SSH2: variants seen among roughly 807,000 people sequenced by gnomAD.
The protein encoded by SSH2 is slingshot protein phosphatase 2, also known as protein phosphatase Slingshot homolog 2.
A neutral mutation model predicts 135.2 loss-of-function variants in SSH2; 37 were observed. The observed-to-expected ratio is 0.27, with a 90% CI of 0.21 to 0.36. SSH2 has a LOEUF of 0.36. SSH2 is among the 10% of genes least tolerant of loss of function. The pLI is 1.00. For synonymous variants in SSH2, 628 were observed against 646.2 expected (o/e 0.97, Z 0.43); for missense variants, 1,408 against 1,765.3 (o/e 0.80, Z 3.63).
intron 3 of SSH2, among the ~76,000 whole-genome samples, chr17:29,749,087 T>G (rs1369058068): frequency 6.6e-6 from 1 of 152,168 alleles, no homozygotes; most frequent in African/African-American, 2.4e-5. Context: ...TGAAAAATCT[T>G]TGTAAATTAG....
At chr17:29,648,019 A>G (rs1171875061) in intron 14 of SSH2, 125 bp downstream of exon 14, 19 of 933,572 alleles carry the variant, frequency 2.0e-5, no homozygotes, top group Non-Finnish European at 1.8e-5. Flanking sequence ...ATTGATAGAG[A>G]AATAAGTCTT....
chr17:29,871,472 GACA>G (rs2065935715), intron 1 of SSH2, among the ~76,000 whole-genome samples: 1 of 152,142 alleles, frequency 6.6e-6, no homozygotes, highest in Non-Finnish European at 1.5e-5. Context: ...AATCTCTCAA[GACA>G]ACAAGATTTG....
chr17:29,856,543 C>G (rs559235044), intron 1 of SSH2, among the ~76,000 whole-genome samples: 1 of 152,148 alleles, frequency 6.6e-6, no homozygotes, highest in Non-Finnish European at 1.5e-5. Context: ...CCACTGCACT[C>G]CAGCTTGGGC....
At chr17:29,727,352 A>T (rs942859253) in intron 3 of SSH2, among the ~76,000 whole-genome samples, 2 of 152,256 alleles carry the variant, frequency 1.3e-5, no homozygotes, top group African/African-American at 4.8e-5. Context: ...ATAGGATGTT[A>T]GTGAAAAACT....
At chr17:29,829,862 CAG>C (rs1189599949) in intron 2 of SSH2, among the ~76,000 whole-genome samples, 2 of 136,926 alleles carry the variant, frequency 1.5e-5, no homozygotes, top group East Asian at 2.1e-4. Context: ...TTTTTTGAGA[CAG>C]AGTCTCGCTC....
At chr17:29,923,339 C>T (rs1207300612) in intron 1 of SSH2, among the ~76,000 whole-genome samples, 3 of 152,010 alleles carry the variant, frequency 2.0e-5, no homozygotes, top group Non-Finnish European at 4.4e-5. Context: ...AAAAAAAGGG[C>T]TGGGTGTGGT....
chr17:29,911,845 T>C (rs553634453), intron 1 of SSH2, among the ~76,000 whole-genome samples: 1 of 152,242 alleles, frequency 6.6e-6, no homozygotes, highest in African/African-American at 2.4e-5. Context: ...GGTGACTCAC[T>C]AGTTAAATCT....
chr17:29,718,311 A>G (rs759983875), intron 3 of SSH2, among the ~76,000 whole-genome samples: 1 of 152,034 alleles, frequency 6.6e-6, no homozygotes, highest in Non-Finnish European at 1.5e-5. Flanking sequence ...TCCTTGTTCT[A>G]TATACACTCT....
chr17:29,651,946 C>G (rs1480871280), intron 12 of SSH2, among the ~76,000 whole-genome samples: 1 of 152,170 alleles, frequency 6.6e-6, no homozygotes, highest in Admixed American at 6.5e-5. Flanking sequence ...AGTTTGAGAC[C>G]AGCCTGGTCA....
intron 1 of SSH2, among the ~76,000 whole-genome samples, chr17:29,911,210 G>C (rs1433986762): frequency 6.6e-6 from 1 of 152,192 alleles, no homozygotes; most frequent in African/African-American, 2.4e-5. Flanking sequence ...TTATATTTTA[G>C]TGCACATGAT....
chr17:29,714,112 G>A (rs1255419649), intron 3 of SSH2, among the ~76,000 whole-genome samples: 1 of 151,996 alleles, frequency 6.6e-6, no homozygotes, highest in Non-Finnish European at 1.5e-5. Context: ...TTTTCAAAAT[G>A]GAAAAATTTA....
chr17:29,769,629 A>G (rs368643712), intron 3 of SSH2, among the ~76,000 whole-genome samples: 19 of 152,316 alleles, frequency 1.2e-4, no homozygotes, highest in African/African-American at 4.6e-4. Context: ...CATCACCATC[A>G]TCTTATTTGA....
Position 29,716,358 on chromosome 17 carries a change from T to C in SSH2, c.189-13296A>G, listed in dbSNP as rs141756635. ...ACGTGCTTCAGGAAGCTGTCTTGGC[T>C]CTTAGAGTGCTTTATGTGCTCAATA... On this transcript the variant is annotated intron_variant, in intron 3 of 15. Coordinates refer to ENST00000540801, the MANE Select transcript of SSH2 (RefSeq NM_001282129.2). 8.6e-3 allele frequency: 4,169 copies of C among 483,156 alleles called. 40 individuals are homozygous for C. The highest frequency in any genetic ancestry group is 0.012 in the Non-Finnish European group (3,038 of 262,666). 29.9% of individuals were successfully genotyped at this position (483,156 alleles called of 1,614,324 possible).
chr17:29,731,458 TTTATTTATTTA>T (rs2040195163), intron 3 of SSH2, among the ~76,000 whole-genome samples: 1 of 149,734 alleles, frequency 6.7e-6, no homozygotes, highest in Non-Finnish European at 1.5e-5. Context: ...TATTTATTTA[TTTATTTATTTA>T]TTTTGAGATG....
intron 1 of SSH2, among the ~76,000 whole-genome samples, chr17:29,879,784 G>GA (rs1302046708): frequency 6.6e-6 from 1 of 152,104 alleles, no homozygotes; most frequent in East Asian, 1.9e-4. Context: ...CAGCCAATCA[G>GA]AAAATCATCA....
At chr17:29,666,687 GCACACA>G (rs771399230) in intron 11 of SSH2, among the ~76,000 whole-genome samples, 174 bp downstream of exon 11, 6 of 151,908 alleles carry the variant, frequency 3.9e-5, no homozygotes, top group African/African-American at 1.5e-4. Flanking sequence ...TCACACACAC[GCACACA>G]CACACTAAAA....
intron 2 of SSH2, among the ~76,000 whole-genome samples, chr17:29,797,766 C>T (rs2042182737): frequency 1.3e-5 from 2 of 152,068 alleles, no homozygotes; most frequent in Admixed American, 1.3e-4. Flanking sequence ...AGACATGGCA[C>T]CTGTAGTCCT....
intron 6 of SSH2, among the ~76,000 whole-genome samples, chr17:29,680,518 C>T (rs1343384743): frequency 1.5e-5 from 2 of 133,250 alleles, no homozygotes; most frequent in Non-Finnish European, 3.1e-5. Flanking sequence ...CGCCATTGCA[C>T]TCCAGCCTGG....
At chr17:29,787,692 T>A (rs2041993921) in intron 3 of SSH2, 1 of 152,082 alleles carries the variant, frequency 6.6e-6, no homozygotes, top group Admixed American at 6.6e-5. Flanking sequence ...TATCTCACCG[T>A]GGTTTCAATT....
Sources: allele counts gnomAD v4.1 joint callset (sites outside exome capture counted in the v4.1 genomes callset), GRCh38; gene constraint gnomAD v4.1.1; transcripts MANE v1.5; gene names NCBI Gene and HGNC (gene_info 2026-07-23, HGNC 2026-07-21).